The following PCBP2 variants were observed in gnomAD, a reference collection of about 807,000 sequenced individuals.
PCBP2 encodes the protein poly(rC)-binding protein 2.
In PCBP2, 4 loss-of-function variants were observed where a neutral mutation model predicts 50.1. That is an observed-to-expected ratio of 0.08 (90% CI 0.04 to 0.18). The LOEUF (loss-of-function observed/expected upper bound fraction) is 0.18, where lower values mean the gene tolerates loss of function less well. Ranked by LOEUF, PCBP2 falls within the 10% of genes least tolerant of loss-of-function variation. The pLI, the probability that PCBP2 is intolerant of heterozygous loss-of-function variation, is 1.00. For missense variants in PCBP2, 161 were observed against 474.3 expected (o/e 0.34, Z 6.14); for synonymous variants, 179 against 168.0 (o/e 1.07, Z -0.51).
At chr12:53,466,886 G>A (rs1022787098) in intron 10 of PCBP2, among the ~76,000 whole-genome samples, 1 of 152,024 alleles carries the variant, frequency 6.6e-6, no homozygotes, top group Non-Finnish European at 1.5e-5. Flanking sequence ...TAGCCTGTCT[G>A]TGCTTGTCCC....
At chr12:53,455,811 T>C (rs934149053) in intron 4 of PCBP2, 74 bp from the exon 5 acceptor site, 4 of 994,204 alleles carry the variant, frequency 4.0e-6, no homozygotes, top group Non-Finnish European at 6.3e-6. Flanking sequence ...GGCAGTCTTA[T>C]AAGGGACTGT....
chr12:53,464,707 A>G, intron 8 of PCBP2, 53 bp from the exon 9 acceptor site: 1 of 1,588,508 alleles, frequency 6.3e-7, no homozygotes, highest in South Asian at 1.2e-5. Flanking sequence ...CATGCTGGTG[A>G]CAAGGTGCCG....
chr12:53,466,391 T>C (rs1172488202), intron 10 of PCBP2, among the ~76,000 whole-genome samples: 1 of 152,158 alleles, frequency 6.6e-6, no homozygotes, highest in Non-Finnish European at 1.5e-5. Context: ...AGATGACAAT[T>C]TGAAAAGTAT....
intron 6 of PCBP2, chr12:53,460,539 G>A (rs1376506643): frequency 9.8e-6 from 2 of 203,500 alleles, no homozygotes; most frequent in Admixed American, 1.1e-4. Flanking sequence ...AATGAAACTC[G>A]AATGGCTGCT....
At chr12:53,464,924 G>A (rs1941707961) in intron 9 of PCBP2, 72 bp downstream of exon 9, 7 of 1,486,838 alleles carry the variant, frequency 4.7e-6, no homozygotes, top group Non-Finnish European at 6.2e-6. Context: ...AACACACGGG[G>A]GGCCAGTGGC....
At chr12:53,473,978 T>C (rs1193068058) in intron 14 of PCBP2, among the ~76,000 whole-genome samples, 1 of 152,202 alleles carries the variant, frequency 6.6e-6, no homozygotes, top group South Asian at 2.1e-4. Flanking sequence ...TCTTGAAGAC[T>C]TAGCGTTGTG....
intron 14 of PCBP2, among the ~76,000 whole-genome samples, chr12:53,478,507 T>A (rs1592696521): frequency 2.0e-5 from 3 of 151,472 alleles, no homozygotes; most frequent in South Asian, 2.1e-4. Flanking sequence ...CTCAAAAAAA[T>A]AAATAAATAA....
chr12:53,454,950 A>G, intron 2 of PCBP2, 81 bp downstream of exon 2: 1 of 1,164,038 alleles, frequency 8.6e-7, no homozygotes, highest in Non-Finnish European at 1.3e-6. Context: ...CTTGGAGCTC[A>G]TCAGATTAGC....
chr12:53,479,668 C>CTGGTTTTTTTTTTT lies in PCBP2; in HGVS notation c.*230_*243dup, dbSNP rs151135231. Reference sequence around the variant, plus strand: ...CATATTTAGTTTTATAAGCTTCTCCCTGGTTTTTTTTTTTTGGCTCATGAA... The same window carrying CTGGTTTTTTTTTTT: ...CATATTTAGTTTTATAAGCTTCTCCCTGGTTTTTTTTTTTTGGTTTTTTTTTTTTGGCTCATGAA... On this transcript the variant is annotated 3_prime_UTR_variant, in exon 15 of 15. Coordinates refer to ENST00000546463, the MANE Select transcript of PCBP2 (RefSeq NM_031989.5). The CTGGTTTTTTTTTTT allele has an allele frequency of 2.6e-3, 361 of 136,754 alleles. 3 individuals carry two copies. The highest frequency in any genetic ancestry group is 0.011 in the African/African-American group (303 of 26,942). 8.5% of individuals were successfully genotyped at this position (136,754 alleles called of 1,614,324 possible). A position where few individuals can be genotyped will look rare whatever the true frequency, so the allele number is the denominator to read the frequency against.
In PCBP2 at chr12:53,467,492, A is replaced by G. The variant is rs1941902157; in HGVS notation, c.787+199A>G. Reference sequence around the variant, plus strand: ...TTTTCATTTGGGGTCAGTTATTCTAAAAGAAAAAAAAAGCCCTGGAAGGTT... The same window carrying G: ...TTTTCATTTGGGGTCAGTTATTCTAGAAGAAAAAAAAAGCCCTGGAAGGTT... On this transcript the variant is annotated intron_variant, in intron 11 of 14. Transcript: ENST00000546463. The G allele has an allele frequency of 6.3e-6, 4 of 638,570 alleles. No homozygotes were observed. In the East Asian group the frequency reaches 8.1e-5, roughly 13 times the overall value. The allele number at this position is 638,570 out of a possible 1,614,324, so 39.6% of individuals were successfully genotyped here.
At position 53,479,623 on chromosome 12, in the gene PCBP2, C is replaced by T. The variant is rs543040122; in HGVS notation, c.*181C>T. The T allele has an allele frequency of 3.8e-5, 15 of 397,598 alleles. No homozygotes were observed. Among genetic ancestry groups the T allele is most frequent in the Non-Finnish European group, 6.4e-5 (14 of 219,442 alleles). 24.6% of individuals were successfully genotyped at this position (397,598 alleles called of 1,614,324 possible). ...AAGCGTTTTAATTCCTTTCTCTGTT[C>T]AGCTGTTGATGCTGAGATCCATATT... is the stretch of plus-strand genomic sequence containing the variant. On this transcript the variant is annotated 3_prime_UTR_variant, in exon 15 of 15. Coordinates refer to ENST00000546463, the MANE Select transcript of PCBP2 (RefSeq NM_031989.5).
chr12:53,468,478 C>T (rs182296194), intron 12 of PCBP2: 29 of 398,560 alleles, frequency 7.3e-5, no homozygotes, highest in South Asian at 3.7e-4. Flanking sequence ...AGACATTGGT[C>T]CTTTTTGAGG....
intron 12 of PCBP2, 24 bp downstream of exon 12, chr12:53,467,867 C>A (rs780119158): frequency 6.1e-5 from 88 of 1,447,146 alleles, no homozygotes; most frequent in Non-Finnish European, 7.9e-5. Context: ...AAAAAAAAAT[C>A]TGTAGTATTC....
chr12:53,471,232 C>T (rs2137099043), intron 13 of PCBP2, among the ~76,000 whole-genome samples: 1 of 151,646 alleles, frequency 6.6e-6, no homozygotes, highest in African/African-American at 2.4e-5. Context: ...ATGGCTTAAA[C>T]CAAGGAGTTT....
At chr12:53,461,230 A>G in intron 7 of PCBP2, 87 bp downstream of exon 7, 2 of 1,464,314 alleles carry the variant, frequency 1.4e-6, no homozygotes, top group South Asian at 1.2e-5. Flanking sequence ...ACTAGAATTA[A>G]GTGAGGCTGT....
At position 53,458,939 on chromosome 12, in the gene PCBP2, A is replaced by G. The variant is rs537433731; in HGVS notation, c.244-333A>G. On this transcript the variant is annotated intron_variant, in intron 5 of 14. Coordinates refer to ENST00000546463, the MANE Select transcript of PCBP2 (RefSeq NM_031989.5). ...ACAAGCTTGAGCTACCGTGCCTGGC[A>G]GTATTTGATTTAATTTTGACATCAT... Among the ~76,000 whole-genome samples the G allele has an allele frequency of 6.0e-4, 91 of 152,242 alleles. 1 individual carries two copies. The highest frequency in any genetic ancestry group is 9.9e-4 in the Non-Finnish European group (67 of 68,002).
At position 53,467,299 on chromosome 12, in the gene PCBP2, G is replaced by A. The variant is rs768710940; in HGVS notation, c.787+6G>A. ...TGGCAACACCGGATTCAGTGGTATG[G>A]ATACCTCAGTGTTTATTTCTGTAAG... On this transcript the variant is annotated splice_donor_region_variant and intron_variant, in intron 11 of 14. Coordinates refer to ENST00000546463, the MANE Select transcript of PCBP2 (RefSeq NM_031989.5). 7 of 1,607,366 alleles carry A rather than the reference G, an allele frequency of 4.4e-6. No homozygotes were observed. Among genetic ancestry groups the A allele is most frequent in the Non-Finnish European group, 6.0e-6 (7 of 1,173,954 alleles).
intron 2 of PCBP2, 103 bp from the exon 3 acceptor site, chr12:53,455,244 G>A: frequency 9.2e-7 from 1 of 1,090,764 alleles, no homozygotes; most frequent in South Asian, 1.6e-5. Context: ...TTTTCATAAT[G>A]AATACTTCAT....
intron 6 of PCBP2, chr12:53,459,806 G>C (rs1385744341): frequency 2.3e-6 from 1 of 438,030 alleles, no homozygotes; most frequent in Non-Finnish European, 4.6e-6. Flanking sequence ...CCAGGCTGGA[G>C]TGCAGTGGCG....
Sources: gnomAD v4.1 joint callset for allele counts (sites outside exome capture counted in the v4.1 genomes callset) on GRCh38, gnomAD v4.1.1 for gene constraint, MANE v1.5 for transcripts, NCBI Gene and HGNC (gene_info 2026-07-23, HGNC 2026-07-21) for gene names.